The following ELP1 variants were observed in gnomAD, a reference collection of about 807,000 sequenced individuals.
The protein encoded by ELP1 is elongator acetyltransferase complex subunit 1, also known as elongator complex protein 1.
A neutral mutation model predicts 183.2 loss-of-function variants in ELP1; 131 were observed. That is an observed-to-expected ratio of 0.72 (90% CI 0.62 to 0.83). The LOEUF is 0.83. Among genes scored for constraint, ELP1 ranks in the 40% least tolerant of loss-of-function variants. The pLI, the probability that ELP1 is intolerant of heterozygous loss-of-function variation, is 0.00. For missense variants in ELP1, 1,550 were observed against 1,594.9 expected (o/e 0.97, Z 0.48); for synonymous variants, 555 against 569.0 (o/e 0.98, Z 0.35).
chr9:108,920,083 A>T (rs770952922), intron 6 of ELP1, among the ~76,000 whole-genome samples: 1 of 152,172 alleles, frequency 6.6e-6, no homozygotes, highest in Non-Finnish European at 1.5e-5. Flanking sequence ...TCCTTTACTG[A>T]AGGGTTAAGG....
chr9:108,873,989 G>A (rs1181627047), intron 36 of ELP1, among the ~76,000 whole-genome samples: 48 of 152,208 alleles, frequency 3.2e-4, no homozygotes, highest in African/African-American at 1.1e-3. Context: ...CTGGATGTAT[G>A]AGTTTAGCTG....
intron 35 of ELP1, among the ~76,000 whole-genome samples, chr9:108,876,766 T>C (rs1230700483): frequency 6.6e-6 from 1 of 151,210 alleles, no homozygotes; most frequent in Non-Finnish European, 1.5e-5. Context: ...AGATTCGCTC[T>C]TGCTGCCCAG....
At chr9:108,884,585 G>A (rs544115145) in intron 29 of ELP1, among the ~76,000 whole-genome samples, 5 of 152,074 alleles carry the variant, frequency 3.3e-5, no homozygotes, top group African/African-American at 1.2e-4. Context: ...ACAAAAAGAT[G>A]GCTGGCAAAT....
intron 6 of ELP1, among the ~76,000 whole-genome samples, chr9:108,922,558 AG>A (rs1279265384): frequency 6.6e-6 from 1 of 152,210 alleles, no homozygotes; most frequent in Non-Finnish European, 1.5e-5. Flanking sequence ...CGGGATACAC[AG>A]GGGGTTTCCT....
Position 108,897,019 on chromosome 9 carries a change from T to C in ELP1, c.2521A>G (p.Thr841Ala), listed in dbSNP as rs1175136606. 1.9e-6 allele frequency: 3 copies of C among 1,614,034 alleles called. No individual in the cohort carries two copies. Among genetic ancestry groups the C allele is most frequent in the Non-Finnish European group, 2.5e-6 (3 of 1,179,908 alleles). Residue 841 changes from threonine (T) to alanine (A), a missense_variant, in exon 24 of 37, where the codon ACA (threonine) becomes GCA (alanine). Coordinates refer to ENST00000374647, the MANE Select transcript of ELP1 (RefSeq NM_003640.5). ...NPHKYCLSIL[T>A]SHVKKTTPEL... Reference sequence around the variant, plus strand: ...GGGGTTGTCTTCTTTACATGAGATGTAAGTATGGATAGGCAGTATCTGAGG... The same window carrying C: ...GGGGTTGTCTTCTTTACATGAGATGCAAGTATGGATAGGCAGTATCTGAGG...
chr9:108,895,617 T>C (rs1828512585), intron 25 of ELP1, among the ~76,000 whole-genome samples: 1 of 152,156 alleles, frequency 6.6e-6, no homozygotes, highest in Non-Finnish European at 1.5e-5. Context: ...TAAGCAGTAT[T>C]ATGGCTTCTG....
In ELP1 at chr9:108,869,087, C is replaced by G. The variant is rs1827340330; in HGVS notation, c.*28G>C. ...CAGGAATGAGTGGAAATGGTCTTCT[C>G]TGTCGGATCCCTCCTAACTGCAGTC... On this transcript the variant is annotated 3_prime_UTR_variant, in exon 37 of 37. Coordinates refer to ENST00000374647, the MANE Select transcript of ELP1 (RefSeq NM_003640.5). The G allele has an allele frequency of 2.5e-6, 4 of 1,602,072 alleles. No homozygotes were observed. In the Admixed American group the frequency reaches 6.7e-5, roughly 27 times the overall value.
chr9:108,882,436 A>G (rs2118948146), intron 29 of ELP1, among the ~76,000 whole-genome samples: 1 of 152,292 alleles, frequency 6.6e-6, no homozygotes, highest in East Asian at 1.9e-4. Context: ...ACGCCTGGAC[A>G]TCAAAACCAC....
rs1827652424 is a variant in ELP1 at position 108,875,030 on chromosome 9, A to G, written c.3856-60T>C. ...TCTAATACTTCTCAAGACTGCCAATACCAAAGGCCAAATCCCTACCCCCAG... is the reference window on the plus strand; with the variant it reads ...TCTAATACTTCTCAAGACTGCCAATGCCAAAGGCCAAATCCCTACCCCCAG... On this transcript the variant is annotated intron_variant, in intron 35 of 36. Transcript: ENST00000374647. 9.8e-6 allele frequency: 11 copies of G among 1,125,374 alleles called. No individual in the cohort carries two copies. In the South Asian group the frequency reaches 1.4e-4, roughly 14 times the overall value. The allele number at this position is 1,125,374 out of a possible 1,614,324, so 69.7% of individuals were successfully genotyped here. A position where few individuals can be genotyped will look rare whatever the true frequency, so the allele number is the denominator to read the frequency against.
At chr9:108,894,899 T>C (rs910377842) in intron 25 of ELP1, among the ~76,000 whole-genome samples, 3 of 152,230 alleles carry the variant, frequency 2.0e-5, no homozygotes, top group African/African-American at 7.2e-5. Flanking sequence ...AGGTGTTTCC[T>C]GTTTTTAATG....
intron 31 of ELP1, 37 bp from the exon 32 acceptor site, chr9:108,880,202 G>C: frequency 7.1e-7 from 1 of 1,408,400 alleles, no homozygotes; most frequent in Non-Finnish European, 1.0e-6. Flanking sequence ...TGAGCATGAG[G>C]TTTAAGCAAA....
rs34189987 is a variant in ELP1, at chr9:108,917,467, C to CAA, written c.864+78_864+79dup. 9,150 of 1,193,248 alleles carry CAA rather than the reference C, an allele frequency of 7.7e-3. 4 individuals carry two copies. The highest frequency in any genetic ancestry group is 0.016 in the African/African-American group (927 of 58,110). 73.9% of individuals were successfully genotyped at this position (1,193,248 alleles called of 1,614,324 possible). ...GGGCAACAAGAATGAAACTCCATCT[C>CAA]AAAAAAAAAAAAAAAAAATTCCCTC... On this transcript the variant is annotated intron_variant, in intron 9 of 36. Transcript: ENST00000374647.
rs986509123 is a variant in ELP1, at chr9:108,931,026, G to C, written c.121C>G (p.Leu41Val). ...GTVLIGSEHG[L>V]IEVDPVSREV... ...CTTGAGACAGGGTCTACTTCTATCA[G>C]GCCATGTTCTGAACCAATGAGCACC... Residue 41 changes from leucine (L) to valine (V), a missense_variant, in exon 2 of 37, where the codon CTG becomes GTG. By Grantham distance (32) the Leu-to-Val change is conservative (BLOSUM62 1). Transcript: ENST00000374647. The C allele has an allele frequency of 5.0e-6, 8 of 1,613,992 alleles. No homozygotes were observed. The African/African-American group carries it at 6.7e-5, about 13-fold the overall frequency.
intron 29 of ELP1, among the ~76,000 whole-genome samples, chr9:108,883,559 T>TG (rs888052933): frequency 6.2e-3 from 38 of 6,130 alleles, no homozygotes; most frequent in Admixed American, 0.023. Flanking sequence ...CTGAATCTTT[T>TG]GGAAAAAAAA....
At chr9:108,919,149 A>G in intron 7 of ELP1, 104 bp downstream of exon 7, 1 of 806,138 alleles carries the variant, frequency 1.2e-6, no homozygotes, top group Non-Finnish European at 2.1e-6. Context: ...CTTGCCTCAT[A>G]TGTATAATTA....
At chr9:108,909,454 A>C (rs1370274964) in intron 12 of ELP1, among the ~76,000 whole-genome samples, 8 of 152,170 alleles carry the variant, frequency 5.3e-5, no homozygotes, top group African/African-American at 1.9e-4. Flanking sequence ...ACTTGTCTCC[A>C]CACCACTCAA....
chr9:108,914,970 C>T (rs945969617), intron 10 of ELP1, among the ~76,000 whole-genome samples: 2 of 152,094 alleles, frequency 1.3e-5, no homozygotes, highest in African/African-American at 2.4e-5. Context: ...GATAGCTATA[C>T]TGAGATATAT....
intron 36 of ELP1, 31 bp from the exon 37 acceptor site, chr9:108,869,213 C>T (rs1396473724): frequency 6.3e-7 from 1 of 1,592,294 alleles, no homozygotes; most frequent in East Asian, 2.2e-5. Flanking sequence ...GAAATTGTGA[C>T]AGACATACTC....
intron 30 of ELP1, 38 bp from the exon 31 acceptor site, chr9:108,881,803 T>C: frequency 2.6e-6 from 3 of 1,155,368 alleles, no homozygotes; most frequent in Non-Finnish European, 3.9e-6. Context: ...GAAGGAAAAC[T>C]TCTAGTCACT....
Sources: allele counts gnomAD v4.1 joint callset (sites outside exome capture counted in the v4.1 genomes callset), GRCh38; gene constraint gnomAD v4.1.1; transcripts MANE v1.5; gene names NCBI Gene and HGNC (gene_info 2026-07-23, HGNC 2026-07-21).